APP: variants seen among roughly 807,000 people sequenced by gnomAD.
APP encodes the protein amyloid-beta precursor protein.
In APP, 31 loss-of-function variants were observed where a neutral mutation model predicts 101.4. The ratio of observed to expected loss-of-function variants is 0.31; its 90% confidence interval spans 0.23 to 0.41. APP has a LOEUF of 0.41. APP is among the 10% of genes least tolerant of loss of function. APP has a pLI of 1.00. For synonymous variants in APP, 366 were observed against 364.4 expected (o/e 1.00, Z -0.05); for missense variants, 839 against 1,003.7 (o/e 0.84, Z 2.22).
intron 5 of APP, among the ~76,000 whole-genome samples, chr21:26,028,829 G>A (rs945028548): frequency 2.6e-5 from 4 of 152,048 alleles, no homozygotes; most frequent in African/African-American, 7.2e-5. Context: ...GGTGTAATAT[G>A]AGCAAGAAAA....
chr21:26,101,243 C>A lies in APP; in HGVS notation c.225+10736G>T, dbSNP rs2062051405. Among the ~76,000 whole-genome samples the A allele has an allele frequency of 2.0e-5, 3 of 151,882 alleles. 1 individual carries two copies. Among genetic ancestry groups the A allele is most frequent in the Middle Eastern group, 3.4e-3 (1 of 290 alleles). On this transcript the variant is annotated intron_variant, in intron 2 of 17. Coordinates refer to ENST00000346798, the MANE Select transcript of APP (RefSeq NM_000484.4). Reference sequence around the variant, plus strand: ...TCTCCCGAGTAGCTGGGACTACAGGCGTGCGCCACCATGCCCATCTAATTT... The same window carrying A: ...TCTCCCGAGTAGCTGGGACTACAGGAGTGCGCCACCATGCCCATCTAATTT...
At chr21:26,143,494 C>T (rs747309197) in intron 1 of APP, among the ~76,000 whole-genome samples, 1 of 152,164 alleles carries the variant, frequency 6.6e-6, no homozygotes, top group East Asian at 1.9e-4. Context: ...TATATGTATA[C>T]ACTGTGAAAT....
intron 8 of APP, among the ~76,000 whole-genome samples, chr21:25,991,854 C>T (rs1052513400): frequency 1.2e-4 from 18 of 152,130 alleles, no homozygotes; most frequent in African/African-American, 4.1e-4. Context: ...ATTTGCTGAC[C>T]ACTTTATTAA....
intron 3 of APP, among the ~76,000 whole-genome samples, chr21:26,056,726 A>AT (rs1186703680): frequency 6.6e-6 from 1 of 152,220 alleles, no homozygotes; most frequent in Non-Finnish European, 1.5e-5. Context: ...GTCCCTCAAA[A>AT]TGAGAATGGT....
At chr21:25,935,347 T>C (rs216764) in intron 13 of APP, 10 of 152,220 alleles carry the variant, frequency 6.6e-5, no homozygotes, top group Non-Finnish European at 1.0e-4. Flanking sequence ...TTTATTCTTG[T>C]GTAAAATCTG....
At chr21:26,080,756 C>G (rs1427439477) in intron 3 of APP, among the ~76,000 whole-genome samples, 1 of 146,460 alleles carries the variant, frequency 6.8e-6, no homozygotes, top group Non-Finnish European at 1.5e-5. Context: ...GGCGACGAAG[C>G]TAGACTCTAT....
chr21:25,929,631 G>C (rs1490140667), intron 13 of APP, among the ~76,000 whole-genome samples: 4 of 152,016 alleles, frequency 2.6e-5, no homozygotes, highest in Non-Finnish European at 5.9e-5. Flanking sequence ...CCTAGATATA[G>C]AATGAATTGG....
chr21:26,097,969 A>G lies in APP; in HGVS notation c.226-7897T>C, dbSNP rs45537239. ...GTGGCAGGCGCCTGTAGTCTCAGCT[A>G]CTTGGGAGGCTGAGGCAGGAGAATG... On this transcript the variant is annotated intron_variant, in intron 2 of 17. Coordinates refer to ENST00000346798, the MANE Select transcript of APP (RefSeq NM_000484.4). Among the ~76,000 whole-genome samples, 848 of 150,868 alleles carry G rather than the reference A, an allele frequency of 5.6e-3. 4 individuals carry two copies. Among genetic ancestry groups the G allele is most frequent in the Non-Finnish European group, 9.6e-3 (651 of 67,804 alleles).
At chr21:25,905,240 G>A (rs75283659) in intron 14 of APP, among the ~76,000 whole-genome samples, 163 bp from the exon 15 acceptor site, 3,131 of 152,216 alleles carry the variant, frequency 0.021, 189 homozygotes, top group East Asian at 0.2. Flanking sequence ...CCCGAGCATC[G>A]AGGACCAGGA....
chr21:26,029,953 T>C (rs983656392), intron 5 of APP, among the ~76,000 whole-genome samples: 1 of 152,118 alleles, frequency 6.6e-6, no homozygotes, highest in Non-Finnish European at 1.5e-5. Context: ...AATTAGTGAA[T>C]TTCTAAAAAA....
At position 26,089,898 on chromosome 21, in the gene APP, G is replaced by C. The variant is rs1237489720; in HGVS notation, c.355+45C>G. On this transcript the variant is annotated intron_variant, in intron 3 of 17. Coordinates refer to ENST00000346798, the MANE Select transcript of APP (RefSeq NM_000484.4). ...GAGCATCCTCTTTTTCTTCCCTCAA[G>C]ACCAGGCCCCCAATCAACACCAGCC... is the stretch of plus-strand genomic sequence containing the variant. 8 of 1,612,802 alleles carry C rather than the reference G, an allele frequency of 5.0e-6. No homozygotes were observed. In the South Asian group the frequency reaches 7.7e-5, roughly 16 times the overall value.
chr21:25,927,169 G>C (rs555245479), intron 13 of APP, among the ~76,000 whole-genome samples: 1 of 152,110 alleles, frequency 6.6e-6, no homozygotes, highest in Admixed American at 6.6e-5. Context: ...CCAAGGTCAC[G>C]GAGATTCCTG....
In APP at chr21:25,891,868, C is replaced by T. The variant is rs776543778; in HGVS notation, c.2065G>A (p.Val689Met). 1 of 1,613,506 alleles carries T rather than the reference C, an allele frequency of 6.2e-7. No homozygotes were observed. Among genetic ancestry groups the T allele is most frequent in the African/African-American group, 1.3e-5 (1 of 74,842 alleles). Residue 689 changes from valine (V) to methionine (M), a missense_variant and splice_region_variant, in exon 17 of 18, where the codon GTG becomes ATG. Physicochemically the swap from Val to Met is conservative, Grantham distance 21. Transcript: ENST00000346798. ...GAACCCACATCTTCTGCAAAGAACA[C>T]CTTGAAAACAAATTAAGAAAAAGAA... The part of the protein sequence containing the change: ...SGYEVHHQKL[V>M]FFAEDVGSNK...
chr21:25,979,732 T>A (rs1364241569), intron 9 of APP, among the ~76,000 whole-genome samples: 4 of 152,000 alleles, frequency 2.6e-5, no homozygotes, highest in African/African-American at 9.7e-5. Context: ...TAACAGAGAA[T>A]TTGAAATAAG....
At chr21:25,976,135 T>C in intron 9 of APP, 107 bp from the exon 10 acceptor site, 1 of 946,808 alleles carries the variant, frequency 1.1e-6, no homozygotes, top group Non-Finnish European at 1.6e-6. Context: ...TCATTTTAGA[T>C]ATTTAAAAAA....
rs1464490035 is a variant in APP at position 25,881,511 on chromosome 21, T to G, written c.*159A>C. Reference sequence around the variant, plus strand: ...TACTGATGTGTGGATTAATTCAAGTTCAGGCATCTACTTGTGTTACAGCAC... The same window carrying G: ...TACTGATGTGTGGATTAATTCAAGTGCAGGCATCTACTTGTGTTACAGCAC... On this transcript the variant is annotated 3_prime_UTR_variant, in exon 18 of 18. Transcript: ENST00000346798. 1.3e-6 allele frequency: 1 copy of G among 776,322 alleles called. No homozygotes were observed. Among genetic ancestry groups the G allele is most frequent in the Non-Finnish European group, 2.2e-6 (1 of 452,696 alleles). The allele number at this position is 776,322 out of a possible 1,614,324, so 48.1% of individuals were successfully genotyped here. A position where few individuals can be genotyped will look rare whatever the true frequency, so the allele number is the denominator to read the frequency against.
At chr21:26,140,387 A>AT (rs1395271030) in intron 1 of APP, 1 of 1,454,672 alleles carries the variant, frequency 6.9e-7, no homozygotes, top group Non-Finnish European at 9.0e-7. Flanking sequence ...AGGCTGTGCT[A>AT]TTTAGGCGTG....
chr21:26,092,557 G>T (rs1229413384), intron 2 of APP, among the ~76,000 whole-genome samples: 1 of 152,164 alleles, frequency 6.6e-6, no homozygotes, highest in East Asian at 1.9e-4. Context: ...GAGCACAGAA[G>T]ATTTTTAGGG....
intron 14 of APP, 100 bp from the exon 15 acceptor site, chr21:25,905,177 A>G (rs2038726087): frequency 1.5e-5 from 15 of 992,454 alleles, no homozygotes; most frequent in Non-Finnish European, 2.2e-5. Context: ...AAGCATATGC[A>G]ATAAACAAGT....
Sources: allele counts gnomAD v4.1 joint callset (sites outside exome capture counted in the v4.1 genomes callset), GRCh38; gene constraint gnomAD v4.1.1; transcripts MANE v1.5; gene names NCBI Gene and HGNC (gene_info 2026-07-23, HGNC 2026-07-21).